Variants in ABLIM1 observed in about 807,000 individuals in gnomAD.
ABLIM1 encodes the protein actin-binding LIM protein 1.
Under a neutral mutation model 107.0 loss-of-function variants are expected in ABLIM1, and 40 were observed. The ratio of observed to expected loss-of-function variants is 0.37; its 90% CI spans 0.29 to 0.49. The LOEUF is 0.49. ABLIM1 is among the 20% of genes least tolerant of loss of function. The pLI is 0.97. For missense variants in ABLIM1, 857 were observed against 1,008.5 expected, an observed-to-expected ratio of 0.85 and a Z score of 2.04; for synonymous variants, 357 against 357.3, an observed-to-expected ratio of 1.00 and a Z score of 0.01.
chr10:114,800,876 C>G, the ABLIM1 span, among the ~76,000 whole-genome samples: 6 of 151,990 alleles, frequency 3.9e-5, no homozygotes, highest in African/African-American at 1.5e-4. Flanking sequence ...CCATTGCACT[C>G]CAGCCTGGGT....
At chr10:114,740,411 T>A (rs555944795) in intron 1 of ABLIM1, among the ~76,000 whole-genome samples, 233 of 152,148 alleles carry the variant, frequency 1.5e-3, no homozygotes, top group African/African-American at 5.1e-3. Context: ...TTTTTTTTTT[T>A]AATTTTGCTT....
the ABLIM1 span, among the ~76,000 whole-genome samples, chr10:114,788,839 G>A: frequency 6.6e-6 from 1 of 152,154 alleles, no homozygotes; most frequent in Non-Finnish European, 1.5e-5. Flanking sequence ...ATACTTCTTA[G>A]GTAAGTATGT....
At chr10:114,772,293 C>A (rs975953947), upstream of ABLIM1, among the ~76,000 whole-genome samples, 4 of 152,086 alleles carry the variant, frequency 2.6e-5, no homozygotes, top group Admixed American at 6.6e-5. Context: ...AACTAAAATT[C>A]TTTTTAAATA....
At chr10:114,722,883 G>T (rs552208787) in intron 1 of ABLIM1, among the ~76,000 whole-genome samples, 99 of 152,268 alleles carry the variant, frequency 6.5e-4, no homozygotes, top group African/African-American at 2.4e-3. Flanking sequence ...GACATTTTAG[G>T]CTAGATAATT....
chr10:114,789,339 T>G, the ABLIM1 span, among the ~76,000 whole-genome samples: 1 of 152,194 alleles, frequency 6.6e-6, no homozygotes, highest in African/African-American at 2.4e-5. Context: ...CTTTCGATGG[T>G]CTCTATGGCC....
intron 4 of ABLIM1, among the ~76,000 whole-genome samples, chr10:114,562,396 G>A (rs570322020): frequency 2.6e-5 from 4 of 152,268 alleles, no homozygotes; most frequent in Non-Finnish European, 5.9e-5. Flanking sequence ...GGGCGTGGTG[G>A]CGGGCACCTG....
At chr10:114,533,940 A>C (rs2065713181) in intron 6 of ABLIM1, among the ~76,000 whole-genome samples, 1 of 152,206 alleles carries the variant, frequency 6.6e-6, no homozygotes, top group East Asian at 1.9e-4. Flanking sequence ...GGCCTCCCAA[A>C]GTGCTGGGAT....
chr10:114,779,956 A>C, the ABLIM1 span: 1 of 151,422 alleles, frequency 6.6e-6, no homozygotes, highest in Non-Finnish European at 1.5e-5. Context: ...CCTTCCAGGG[A>C]GGCTGTGGCT....
intron 1 of ABLIM1, among the ~76,000 whole-genome samples, chr10:114,722,619 T>C (rs1292887127): frequency 6.6e-6 from 1 of 152,244 alleles, no homozygotes; most frequent in Non-Finnish European, 1.5e-5. Context: ...AATGAACACA[T>C]TGTAAGGGAC....
intron 1 of ABLIM1, among the ~76,000 whole-genome samples, chr10:114,676,972 G>T (rs2080514571): frequency 6.6e-6 from 1 of 152,144 alleles, no homozygotes; most frequent in African/African-American, 2.4e-5. Context: ...CTAACCTCAG[G>T]TGATCTGCCC....
chr10:114,622,000 TC>T (rs2077494114), intron 1 of ABLIM1, among the ~76,000 whole-genome samples: 1 of 152,120 alleles, frequency 6.6e-6, no homozygotes, highest in Admixed American at 6.5e-5. Flanking sequence ...CGGACTCCAA[TC>T]CCCATCAGTC....
intron 21 of ABLIM1, 28 bp from the exon 22 acceptor site, chr10:114,437,952 G>A (rs775651800): frequency 1.3e-6 from 2 of 1,580,688 alleles, no homozygotes; most frequent in Admixed American, 1.7e-5. Context: ...ACCTCTTCTA[G>A]AACACCACAG....
chr10:114,614,615 A>G (rs1164450856), intron 1 of ABLIM1, among the ~76,000 whole-genome samples: 1 of 152,222 alleles, frequency 6.6e-6, no homozygotes, highest in African/African-American at 2.4e-5. Flanking sequence ...GAGTTTTCAC[A>G]AACACAACTT....
chr10:114,504,826 C>T (rs1428571971), intron 6 of ABLIM1, among the ~76,000 whole-genome samples: 2 of 152,156 alleles, frequency 1.3e-5, no homozygotes, highest in African/African-American at 2.4e-5. Context: ...CCATGAAAAG[C>T]TACATGTTCC....
chr10:114,638,677 C>T (rs2078597508), intron 1 of ABLIM1, among the ~76,000 whole-genome samples: 1 of 150,974 alleles, frequency 6.6e-6, no homozygotes, highest in Admixed American at 6.6e-5. Flanking sequence ...ACAAGCATTT[C>T]TGTAGGCAAG....
chr10:114,615,097 A>T (rs563538524), intron 1 of ABLIM1, among the ~76,000 whole-genome samples: 1 of 152,214 alleles, frequency 6.6e-6, no homozygotes, highest in South Asian at 2.1e-4. Context: ...ACAAGTGTGT[A>T]TCTTCAAATA....
At chr10:114,439,310 T>A (rs746830805) in intron 20 of ABLIM1, 60 bp from the exon 21 acceptor site, 1 of 1,545,242 alleles carries the variant, frequency 6.5e-7, no homozygotes, top group Admixed American at 1.7e-5. Flanking sequence ...CTGAAGGGAG[T>A]ACTCTTGGGC....
intron 10 of ABLIM1, among the ~76,000 whole-genome samples, chr10:114,470,156 C>G (rs1269964970): frequency 6.6e-6 from 1 of 152,178 alleles, no homozygotes; most frequent in Admixed American, 6.5e-5. Context: ...GGTGCGGTGG[C>G]TCACACCTGT....
At chr10:114,728,422 T>C (rs1015917574) in intron 1 of ABLIM1, among the ~76,000 whole-genome samples, 3 of 150,502 alleles carry the variant, frequency 2.0e-5, no homozygotes, top group Admixed American at 6.7e-5. Context: ...ATCATTATTG[T>C]AATGGCAAGA....
Sources: allele counts gnomAD v4.1 joint callset (sites outside exome capture counted in the v4.1 genomes callset), GRCh38; gene constraint gnomAD v4.1.1; transcripts MANE v1.5; gene names NCBI Gene and HGNC (gene_info 2026-07-23, HGNC 2026-07-21).